The following RPH3A variants were observed in gnomAD, a reference collection of about 807,000 sequenced individuals.
RPH3A encodes the protein rabphilin-3A.
In RPH3A, 48 loss-of-function variants were observed where a neutral mutation model predicts 102.2. The observed-to-expected ratio is 0.47, with a 90% CI of 0.37 to 0.60. The LOEUF (loss-of-function observed/expected upper bound fraction) is 0.60. RPH3A is among the 20% of genes least tolerant of loss of function. The pLI is 0.00. For synonymous variants in RPH3A, 310 were observed against 324.3 expected (o/e 0.96, Z 0.47); for missense variants, 781 against 910.1 (o/e 0.86, Z 1.83).
At chr12:112,855,677 C>T (rs2042398372) in intron 5 of RPH3A, among the ~76,000 whole-genome samples, 1 of 152,190 alleles carries the variant, frequency 6.6e-6, no homozygotes, top group South Asian at 2.1e-4. Context: ...CATTTAAGGA[C>T]AGGTTCCTGA....
chr12:112,664,296 G>A (rs1167622830), intron 1 of RPH3A, among the ~76,000 whole-genome samples: 1 of 152,054 alleles, frequency 6.6e-6, no homozygotes. Context: ...TGAGGAGTTA[G>A]GATTATGTCA....
chr12:112,705,594 C>T (rs1370685499), intron 1 of RPH3A, among the ~76,000 whole-genome samples: 1 of 152,052 alleles, frequency 6.6e-6, no homozygotes, highest in African/African-American at 2.4e-5. Context: ...AAGTAGAATA[C>T]AATTTCATGC....
intron 3 of RPH3A, among the ~76,000 whole-genome samples, chr12:112,831,568 T>A (rs993157611): frequency 1.3e-5 from 2 of 152,032 alleles, no homozygotes; most frequent in African/African-American, 2.4e-5. Flanking sequence ...TTTTTTTTTT[T>A]AATTTGCCTG....
At chr12:112,669,125 A>T (rs760195309) in intron 1 of RPH3A, among the ~76,000 whole-genome samples, 2 of 152,216 alleles carry the variant, frequency 1.3e-5, no homozygotes, top group Non-Finnish European at 2.9e-5. Context: ...GTAAGAGGTC[A>T]TTGGGAATGA....
chr12:112,894,680 T>C, intron 20 of RPH3A, 21 bp downstream of exon 20: 1 of 1,608,182 alleles, frequency 6.2e-7, no homozygotes, highest in South Asian at 1.1e-5. Context: ...CCTATTCTTT[T>C]TCATGCTCTG....
At chr12:112,635,012 A>G (rs539979675) in intron 1 of RPH3A, among the ~76,000 whole-genome samples, 10 of 152,264 alleles carry the variant, frequency 6.6e-5, no homozygotes, top group South Asian at 4.2e-4. Context: ...ATTTTCCTTT[A>G]CGAGAATTTT....
At chr12:112,707,555 G>A (rs539502296) in intron 1 of RPH3A, among the ~76,000 whole-genome samples, 1 of 152,304 alleles carries the variant, frequency 6.6e-6, no homozygotes, top group African/African-American at 2.4e-5. Context: ...TAGGGTGATT[G>A]TCAGGATAAA....
At chr12:112,814,667 C>T (rs986156522) in intron 2 of RPH3A, among the ~76,000 whole-genome samples, 3 of 152,148 alleles carry the variant, frequency 2.0e-5, no homozygotes, top group Non-Finnish European at 4.4e-5. Context: ...CTGACTCCAC[C>T]ATTCCTTCCT....
intron 6 of RPH3A, among the ~76,000 whole-genome samples, chr12:112,866,154 A>C (rs960846760): frequency 2.0e-5 from 3 of 152,172 alleles, no homozygotes; most frequent in Admixed American, 6.5e-5. Context: ...GACATCTACA[A>C]TGTCATCATC....
At chr12:112,891,754 C>T (rs978042432) in intron 19 of RPH3A, among the ~76,000 whole-genome samples, 3 of 152,208 alleles carry the variant, frequency 2.0e-5, no homozygotes, top group Non-Finnish European at 4.4e-5. Context: ...CTTAGCATCC[C>T]TGCCAGGCCC....
chr12:112,601,375 T>C (rs1566224282), intron 1 of RPH3A, among the ~76,000 whole-genome samples: 1 of 152,210 alleles, frequency 6.6e-6, no homozygotes, highest in Non-Finnish European at 1.5e-5. Flanking sequence ...TCTATTTCCT[T>C]TTATAATCTT....
At chr12:112,766,476 G>A (rs1229188036) in intron 1 of RPH3A, among the ~76,000 whole-genome samples, 2 of 152,130 alleles carry the variant, frequency 1.3e-5, no homozygotes, top group African/African-American at 4.8e-5. Context: ...ATTAAGGAGT[G>A]TTCCCATGGG....
At chr12:112,713,007 CTTCCT>C (rs2040483852) in intron 1 of RPH3A, among the ~76,000 whole-genome samples, 1 of 72,928 alleles carries the variant, frequency 1.4e-5, no homozygotes, top group Non-Finnish European at 2.7e-5. Flanking sequence ...TCCTCTTCCT[CTTCCT>C]CTTCCTCTTC....
In RPH3A at chr12:112,625,848, AC is replaced by A. The variant is rs1450143016; in HGVS notation, c.-140+50531del. Reference sequence around the variant, plus strand: ...TTAACCAAAACAGCATGGTACTGGTACCAAAACAGAGATATAGATCAATGGA... The same window carrying A: ...TTAACCAAAACAGCATGGTACTGGTACAAAACAGAGATATAGATCAATGGA... On this transcript the variant is annotated intron_variant, in intron 1 of 21. Coordinates refer to the RPH3A transcript ENST00000543106. Among the ~76,000 whole-genome samples the A allele has an allele frequency of 3.4e-5, 4 of 116,412 alleles. No individual in the cohort carries two copies. The Admixed American group carries it at 3.7e-4, about 11-fold the overall frequency. The allele number at this position is 116,412 out of a possible 152,430, so 76.4% of individuals were successfully genotyped here. A position where few individuals can be genotyped will look rare whatever the true frequency, so the allele number is the denominator to read the frequency against.
At chr12:112,805,220 A>T (rs958021769) in intron 2 of RPH3A, among the ~76,000 whole-genome samples, 2 of 152,182 alleles carry the variant, frequency 1.3e-5, no homozygotes, top group African/African-American at 4.8e-5. Flanking sequence ...TTTGGAAGAA[A>T]ATTTTACTTA....
At chr12:112,580,542 C>T (rs1238162121) in intron 1 of RPH3A, among the ~76,000 whole-genome samples, 9 of 151,586 alleles carry the variant, frequency 5.9e-5, no homozygotes, top group African/African-American at 1.5e-4. Flanking sequence ...TAGCTGGGAC[C>T]ACCGGCGCCC....
chr12:112,716,379 A>T (rs937549499), intron 1 of RPH3A, among the ~76,000 whole-genome samples: 2 of 152,208 alleles, frequency 1.3e-5, no homozygotes, highest in Admixed American at 6.5e-5. Context: ...GCAGAACAGT[A>T]TGTTCAGTGA....
chr12:112,681,170 G>A (rs2040223712), intron 1 of RPH3A, among the ~76,000 whole-genome samples: 1 of 152,110 alleles, frequency 6.6e-6, no homozygotes, highest in South Asian at 2.1e-4. Flanking sequence ...CCTCCCCAAT[G>A]GCCAAGCCAG....
At chr12:112,704,078 C>CTCTTCT (rs575739587) in intron 1 of RPH3A, among the ~76,000 whole-genome samples, 1 of 151,350 alleles carries the variant, frequency 6.6e-6, no homozygotes, top group African/African-American at 2.4e-5. Context: ...CCTATCTTTT[C>CTCTTCT]TCTTCTTCTT....
Sources: gnomAD v4.1 joint callset for allele counts (sites outside exome capture counted in the v4.1 genomes callset) on GRCh38, gnomAD v4.1.1 for gene constraint, MANE v1.5 for transcripts, NCBI Gene and HGNC (gene_info 2026-07-23, HGNC 2026-07-21) for gene names.